DLGAP1: variants seen among roughly 807,000 people sequenced by gnomAD.
DLGAP1 encodes disks large-associated protein 1.
DLGAP1 carries 11 observed loss-of-function variants against 90.8 expected under a neutral mutation model. The ratio of observed to expected loss-of-function variants is 0.12; its 90% CI spans 0.08 to 0.20. The LOEUF (loss-of-function observed/expected upper bound fraction) is 0.20. DLGAP1 is among the 10% of genes least tolerant of loss of function. The pLI, the probability that DLGAP1 is intolerant of heterozygous loss-of-function variation, is 1.00. For synonymous variants in DLGAP1, 558 were observed against 540.7 expected (o/e 1.03, Z -0.44); for missense variants, 1,050 against 1,333.8 (o/e 0.79, Z 3.31).
At chr18:4,385,610 C>T (rs753350249) in intron 1 of DLGAP1, among the ~76,000 whole-genome samples, 8 of 152,080 alleles carry the variant, frequency 5.3e-5, no homozygotes, top group Non-Finnish European at 1.0e-4. Flanking sequence ...GAGCAGTAGG[C>T]ACCTCACAGA....
intron 3 of DLGAP1, among the ~76,000 whole-genome samples, chr18:3,971,033 T>C (rs1776832525): frequency 6.6e-6 from 1 of 152,162 alleles, no homozygotes; most frequent in Non-Finnish European, 1.5e-5. Context: ...CCTTCCAGTT[T>C]CACATCTGTC....
intron 7 of DLGAP1, among the ~76,000 whole-genome samples, chr18:3,614,616 G>A (rs934788139): frequency 2.0e-5 from 3 of 149,304 alleles, no homozygotes; most frequent in East Asian, 2.0e-4. Flanking sequence ...CGAGGTGGGC[G>A]GATCACCTGA....
rs554664606 is a variant in DLGAP1, at chr18:4,230,976, G to A, written c.-266-79689C>T. Among the ~76,000 whole-genome samples, 5 of 152,014 alleles carry A rather than the reference G, an allele frequency of 3.3e-5. No homozygotes were observed. The South Asian group carries it at 1.0e-3, about 32-fold the overall frequency. On this transcript the variant is annotated intron_variant, in intron 1 of 12. Transcript: ENST00000315677. Reference sequence around the variant, plus strand: ...AAAAAACCTAAAAAGCAGCGCTGTGGTAGCTGTCCGTGGTACTTGTCCACA... The same window carrying A: ...AAAAAACCTAAAAAGCAGCGCTGTGATAGCTGTCCGTGGTACTTGTCCACA...
chr18:3,588,898 T>C (rs1282545134), intron 7 of DLGAP1, among the ~76,000 whole-genome samples: 2 of 152,058 alleles, frequency 1.3e-5, no homozygotes, highest in African/African-American at 2.4e-5. Flanking sequence ...GGAAAGATAA[T>C]GCGGCCAGGC....
intron 7 of DLGAP1, among the ~76,000 whole-genome samples, chr18:3,681,718 G>C (rs903181925): frequency 1.3e-5 from 2 of 152,178 alleles, no homozygotes; most frequent in African/African-American, 4.8e-5. Context: ...GTTGAAGGTG[G>C]GGCCTTGTGG....
intron 2 of DLGAP1, among the ~76,000 whole-genome samples, chr18:4,041,338 G>T (rs2149148489): frequency 6.6e-6 from 1 of 152,218 alleles, no homozygotes; most frequent in South Asian, 2.1e-4. Flanking sequence ...TCATAAATGA[G>T]GAATATGGAG....
chr18:3,623,826 C>T (rs1178901832), intron 7 of DLGAP1, among the ~76,000 whole-genome samples: 2 of 151,522 alleles, frequency 1.3e-5, no homozygotes, highest in African/African-American at 2.4e-5. Flanking sequence ...ATGCTTTTCC[C>T]GTTGCTTCCC....
chr18:4,213,314 C>A (rs1228688580), intron 1 of DLGAP1, among the ~76,000 whole-genome samples: 1 of 152,086 alleles, frequency 6.6e-6, no homozygotes, highest in Non-Finnish European at 1.5e-5. Flanking sequence ...TTTGAGGGAA[C>A]CAGTTGGAGG....
At chr18:3,621,724 G>A (rs1298678383) in intron 7 of DLGAP1, among the ~76,000 whole-genome samples, 3 of 152,188 alleles carry the variant, frequency 2.0e-5, no homozygotes, top group East Asian at 1.9e-4. Flanking sequence ...TGCCTGATTC[G>A]CAAAGCATTC....
At chr18:3,776,891 A>G (rs1364635683) in intron 5 of DLGAP1, among the ~76,000 whole-genome samples, 1 of 152,212 alleles carries the variant, frequency 6.6e-6, no homozygotes, top group Non-Finnish European at 1.5e-5. Context: ...CCCAGGCTCA[A>G]GCTATCCTTC....
At chr18:3,562,206 A>G (rs1051909310) in intron 9 of DLGAP1, among the ~76,000 whole-genome samples, 1 of 152,054 alleles carries the variant, frequency 6.6e-6, no homozygotes, top group Non-Finnish European at 1.5e-5. Context: ...CAGCCTGGGC[A>G]ACAAGAGCAA....
rs1349714106 is a variant in DLGAP1 at position 3,499,874 on chromosome 18, C to G, written c.2725-480G>C. Among the ~76,000 whole-genome samples the G allele has an allele frequency of 6.6e-6, 1 of 152,144 alleles. No homozygotes were observed. The highest frequency in any genetic ancestry group is 1.5e-5 in the Non-Finnish European group (1 of 68,044). On this transcript the variant is annotated intron_variant, in intron 12 of 12. Transcript: ENST00000315677. The surrounding 1 kb of genome is among the most constrained non-coding windows in gnomAD (Gnocchi z 6.4). ...TCCGCTCTGTCCCCGGCCCGCCCAC[C>G]GTCCCCTTCCCACCAAACCTAAATA...
chr18:4,100,862 C>T (rs1336242902), intron 2 of DLGAP1, among the ~76,000 whole-genome samples: 4 of 152,210 alleles, frequency 2.6e-5, no homozygotes, highest in Non-Finnish European at 4.4e-5. Context: ...TTTTCTTCTG[C>T]ATCTTTCTCA....
At chr18:4,070,980 C>T (rs1370696764) in intron 2 of DLGAP1, among the ~76,000 whole-genome samples, 2 of 152,156 alleles carry the variant, frequency 1.3e-5, no homozygotes, top group Non-Finnish European at 2.9e-5. Context: ...CCTTTATTTT[C>T]ATCTCTACTC....
intron 4 of DLGAP1, chr18:3,821,890 A>G: frequency 1.0e-6 from 1 of 984,990 alleles, no homozygotes; most frequent in South Asian, 4.7e-5. Flanking sequence ...TTCCCTACTC[A>G]CTCGATTTCT....
intron 1 of DLGAP1, among the ~76,000 whole-genome samples, chr18:4,428,753 CTT>C (rs2083212949): frequency 6.6e-6 from 1 of 152,182 alleles, no homozygotes; most frequent in South Asian, 2.1e-4. Context: ...AATTCAACCT[CTT>C]TTCTTCATAA....
chr18:3,825,686 G>A (rs540384519), intron 4 of DLGAP1, among the ~76,000 whole-genome samples: 1 of 152,168 alleles, frequency 6.6e-6, no homozygotes, highest in South Asian at 2.1e-4. Context: ...AGGTACTGGG[G>A]ATACCGCAAT....
At chr18:4,010,549 A>C (rs1246191594) in intron 2 of DLGAP1, among the ~76,000 whole-genome samples, 3 of 152,244 alleles carry the variant, frequency 2.0e-5, no homozygotes, top group Non-Finnish European at 4.4e-5. Context: ...CTGTCTAAAA[A>C]TCAATAAACA....
intron 3 of DLGAP1, among the ~76,000 whole-genome samples, chr18:3,895,109 G>A (rs2071582928): frequency 6.6e-6 from 1 of 152,194 alleles, no homozygotes; most frequent in East Asian, 1.9e-4. Flanking sequence ...GCCTTTAATC[G>A]TGCAGGTGCT....
Sources: gnomAD v4.1 joint callset for allele counts (sites outside exome capture counted in the v4.1 genomes callset) on GRCh38, gnomAD v4.1.1 for gene constraint, Gnocchi (gnomAD v3.1) non-coding constraint, MANE v1.5 for transcripts, NCBI Gene and HGNC (gene_info 2026-07-23, HGNC 2026-07-21) for gene names.